ZNF18: variants seen among roughly 807,000 people sequenced by gnomAD.
ZNF18 encodes zinc finger protein 18.
ZNF18 carries 42 observed loss-of-function variants against 58.1 expected under a neutral mutation model. The ratio of observed to expected loss-of-function variants is 0.72; its 90% confidence interval spans 0.56 to 0.93. ZNF18 has a LOEUF of 0.93. ZNF18 is among the 40% of genes least tolerant of loss of function. The pLI is 0.00. For missense variants in ZNF18, 540 were observed against 644.2 expected, an observed-to-expected ratio of 0.84 and a Z score of 1.75; for synonymous variants, 231 against 239.8, an observed-to-expected ratio of 0.96 and a Z score of 0.34.
chr17:11,982,887 A>C (rs994190263), intron 6 of ZNF18, among the ~76,000 whole-genome samples: 1 of 151,962 alleles, frequency 6.6e-6, no homozygotes, highest in Non-Finnish European at 1.5e-5. Flanking sequence ...TAGATAAAAC[A>C]TTTTTTTCTG....
chr17:12,014,283 T>C, the ZNF18 span, among the ~76,000 whole-genome samples: 3 of 152,214 alleles, frequency 2.0e-5, no homozygotes, highest in Non-Finnish European at 1.5e-5. Flanking sequence ...TCCACTCCTA[T>C]GTATATACAC....
intron 1 of ZNF18, among the ~76,000 whole-genome samples, chr17:11,994,580 G>A (rs779481553): frequency 3.9e-5 from 6 of 152,174 alleles, no homozygotes; most frequent in East Asian, 1.9e-4. Context: ...GGTGGCTCAC[G>A]CCTGTAATCC....
chr17:12,012,729 G>C, the ZNF18 span, among the ~76,000 whole-genome samples: 4 of 152,110 alleles, frequency 2.6e-5, no homozygotes, highest in Admixed American at 6.5e-5. Context: ...AGACTGGAGT[G>C]CAATGGCATG....
chr17:12,001,974 T>A (rs1968666264), upstream of ZNF18, among the ~76,000 whole-genome samples: 2 of 151,198 alleles, frequency 1.3e-5, no homozygotes, highest in African/African-American at 2.4e-5. Flanking sequence ...CGAAGAGGTT[T>A]AAAAAAAAGT....
the ZNF18 span, among the ~76,000 whole-genome samples, chr17:12,017,410 G>A: frequency 2.0e-5 from 3 of 152,204 alleles, no homozygotes; most frequent in Non-Finnish European, 4.4e-5. Context: ...TTGGCAATTT[G>A]AGGGTGGGCG....
chr17:12,009,916 GA>G, the ZNF18 span, among the ~76,000 whole-genome samples: 1 of 152,170 alleles, frequency 6.6e-6, no homozygotes, highest in Non-Finnish European at 1.5e-5. Context: ...TGAGATGGTA[GA>G]AAAAAGTGCC....
In ZNF18 at chr17:11,978,746, T is replaced by C; in HGVS notation, c.863-2A>G. ...CCTTGTCATTCTCTTGTCTATCTCC[T>C]AAAAGAAGAAAGAAGATTTGAAATG... On this transcript the variant is annotated splice_acceptor_variant, in intron 6 of 6. Coordinates refer to ENST00000580306, the MANE Select transcript of ZNF18 (RefSeq NM_001303281.2). LOFTEE classifies it high-confidence loss of function. The C allele has an allele frequency of 6.5e-7, 1 of 1,547,908 alleles. No individual in the cohort carries two copies.
At chr17:12,016,768 A>T in the ZNF18 span, among the ~76,000 whole-genome samples, 1 of 152,252 alleles carries the variant, frequency 6.6e-6, no homozygotes, top group Non-Finnish European at 1.5e-5. Flanking sequence ...ATTCACTAGC[A>T]TAAATGGTAG....
chr17:11,977,531 AC>A lies in ZNF18; in HGVS notation c.*425del, dbSNP rs1967073515. On this transcript the variant is annotated 3_prime_UTR_variant, in exon 7 of 7. Coordinates refer to ENST00000580306, the MANE Select transcript of ZNF18 (RefSeq NM_001303281.2). ...TATGACAAAGAACACACGTGAGCTC[AC>A]AGGCCCTCTATGCTTCTCCCCTTCT... 1 of 161,378 alleles carries A rather than the reference AC, an allele frequency of 6.2e-6. No homozygotes were observed. Among genetic ancestry groups the A allele is most frequent in the Non-Finnish European group, 1.4e-5 (1 of 74,010 alleles). The allele number at this position is 161,378 out of a possible 1,614,324, so 10.0% of individuals were successfully genotyped here. A position where few individuals can be genotyped will look rare whatever the true frequency, so the allele number is the denominator to read the frequency against.
At chr17:12,000,282 C>T (rs1231501907), upstream of ZNF18, among the ~76,000 whole-genome samples, 1 of 152,070 alleles carries the variant, frequency 6.6e-6, no homozygotes, top group Non-Finnish European at 1.5e-5. Context: ...AAGACCAAGC[C>T]CTGGACCACG....
At chr17:11,998,822 CTTTTT>C (rs71142260), upstream of ZNF18, among the ~76,000 whole-genome samples, 115 of 108,536 alleles carry the variant, frequency 1.1e-3, no homozygotes, top group Non-Finnish European at 1.8e-3. Flanking sequence ...AGTTTCTAGT[CTTTTT>C]TTTTTTTTTT....
At chr17:12,011,764 G>A in the ZNF18 span, among the ~76,000 whole-genome samples, 1 of 139,588 alleles carries the variant, frequency 7.2e-6, no homozygotes, top group African/African-American at 2.7e-5. Context: ...GCAGTGGCAC[G>A]ATCTTGGCTC....
At chr17:12,008,446 C>T in the ZNF18 span, among the ~76,000 whole-genome samples, 44 of 152,250 alleles carry the variant, frequency 2.9e-4, no homozygotes, top group South Asian at 4.1e-4. Context: ...GGGATCCTCA[C>T]GCCTCAGCCT....
At chr17:12,004,880 T>A in the ZNF18 span, among the ~76,000 whole-genome samples, 4 of 117,172 alleles carry the variant, frequency 3.4e-5, no homozygotes, top group African/African-American at 1.4e-4. Context: ...GGAGTGAAAC[T>A]CCATCTCAAA....
chr17:11,987,104 C>T (rs79698436), intron 4 of ZNF18, among the ~76,000 whole-genome samples: 1,552 of 152,302 alleles, frequency 0.01, 29 homozygotes, highest in African/African-American at 0.036. Flanking sequence ...TCCTGAAAGA[C>T]AGACACATGG....
chr17:12,020,604 C>G, the ZNF18 span, among the ~76,000 whole-genome samples: 1 of 152,204 alleles, frequency 6.6e-6, no homozygotes, highest in Non-Finnish European at 1.5e-5. Flanking sequence ...AATGCAGGCC[C>G]ACCTTTAATT....
the ZNF18 span, among the ~76,000 whole-genome samples, chr17:12,006,946 C>T: frequency 6.6e-6 from 1 of 152,028 alleles, no homozygotes. Flanking sequence ...AATTAAAACC[C>T]AAAGGAATTC....
chr17:12,006,807 G>C, the ZNF18 span, among the ~76,000 whole-genome samples: 1 of 152,002 alleles, frequency 6.6e-6, no homozygotes, highest in African/African-American at 2.4e-5. Context: ...ACAGTATCCA[G>C]ATATCCCAGA....
At chr17:11,994,339 C>T (rs1242055860) in intron 1 of ZNF18, among the ~76,000 whole-genome samples, 10 of 151,810 alleles carry the variant, frequency 6.6e-5, no homozygotes, top group Non-Finnish European at 8.8e-5. Flanking sequence ...AAGGAAAAAG[C>T]GAAGTCAAAA....
Sources: allele counts gnomAD v4.1 joint callset (sites outside exome capture counted in the v4.1 genomes callset), GRCh38; gene constraint gnomAD v4.1.1; transcripts MANE v1.5; gene names NCBI Gene and HGNC (gene_info 2026-07-23, HGNC 2026-07-21).